Variants in SLC14A2 observed in about 807,000 individuals in gnomAD.
SLC14A2 encodes the protein urea transporter 2.
Under a neutral mutation model 104.6 loss-of-function variants are expected in SLC14A2, and 91 were observed. That is an observed-to-expected ratio of 0.87 (90% CI 0.73 to 1.04). The LOEUF is 1.04. Among genes scored for constraint, SLC14A2 ranks in the 50% least tolerant of loss-of-function variants. The pLI, the probability that SLC14A2 is intolerant of heterozygous loss-of-function variation, is 0.00. For synonymous variants in SLC14A2, 476 were observed against 466.4 expected (o/e 1.02, Z -0.27); for missense variants, 1,189 against 1,156.0 (o/e 1.03, Z -0.41).
chr18:45,553,706 A>G (rs1002288656), intron 2 of SLC14A2, among the ~76,000 whole-genome samples: 1 of 152,186 alleles, frequency 6.6e-6, no homozygotes, highest in African/African-American at 2.4e-5. Context: ...CTTAACCCCA[A>G]ATAGTGAGTG....
intron 1 of SLC14A2, among the ~76,000 whole-genome samples, chr18:45,455,473 A>T (rs992238055): frequency 1.3e-5 from 2 of 152,034 alleles, no homozygotes; most frequent in African/African-American, 4.8e-5. Context: ...GGAGGGGAAC[A>T]TCACACACCA....
At chr18:45,219,620 C>G (rs1391327559) in intron 1 of SLC14A2, among the ~76,000 whole-genome samples, 1 of 152,172 alleles carries the variant, frequency 6.6e-6, no homozygotes, top group Admixed American at 6.5e-5. Flanking sequence ...AAAAACAGTT[C>G]CTTGTTTTCG....
chr18:45,457,560 A>G (rs1003639314), intron 1 of SLC14A2, among the ~76,000 whole-genome samples: 1 of 152,210 alleles, frequency 6.6e-6, no homozygotes. Context: ...TCTCAAGCCC[A>G]GAGGCATTTG....
chr18:45,681,920 A>G (rs2046314452), intron 19 of SLC14A2, among the ~76,000 whole-genome samples: 2 of 152,230 alleles, frequency 1.3e-5, no homozygotes, highest in Non-Finnish European at 2.9e-5. Flanking sequence ...TTGAGCTACC[A>G]AATGGCTGCC....
intron 11 of SLC14A2, among the ~76,000 whole-genome samples, chr18:45,665,753 G>T (rs1465503063): frequency 3.6e-5 from 4 of 111,502 alleles, no homozygotes; most frequent in African/African-American, 1.4e-4. Context: ...ACAGGAGAAA[G>T]AACCCTGGAT....
At chr18:45,427,309 C>T (rs1032057490) in intron 1 of SLC14A2, among the ~76,000 whole-genome samples, 2 of 151,936 alleles carry the variant, frequency 1.3e-5, no homozygotes, top group Non-Finnish European at 2.9e-5. Context: ...GCCTGGCTCT[C>T]ACCCTGGCTC....
chr18:45,650,393 A>G (rs1388753372), intron 10 of SLC14A2, among the ~76,000 whole-genome samples: 2 of 152,038 alleles, frequency 1.3e-5, no homozygotes, highest in Admixed American at 6.6e-5. Context: ...CCTGGCCCCA[A>G]GCTTCTGCCC....
At chr18:45,639,990 G>T (rs1352199935) in intron 7 of SLC14A2, 97 bp downstream of exon 7, 1 of 1,212,294 alleles carries the variant, frequency 8.2e-7, no homozygotes, top group African/African-American at 1.5e-5. Context: ...TCTCTTCCCT[G>T]CAGTTTTAAA....
chr18:45,480,707 T>C (rs2087475907), intron 1 of SLC14A2, among the ~76,000 whole-genome samples: 1 of 152,210 alleles, frequency 6.6e-6, no homozygotes, highest in Non-Finnish European at 1.5e-5. Context: ...CCTGGGGGCC[T>C]GCATGGGCTT....
chr18:45,184,798 G>GT, the SLC14A2 span, among the ~76,000 whole-genome samples: 3 of 152,316 alleles, frequency 2.0e-5, no homozygotes, highest in East Asian at 5.8e-4. Flanking sequence ...GAATCCAGAA[G>GT]TAGAGCAGGT....
intron 5 of SLC14A2, among the ~76,000 whole-genome samples, chr18:45,633,874 C>T (rs538494155): frequency 2.0e-5 from 3 of 152,274 alleles, no homozygotes; most frequent in South Asian, 4.1e-4. Flanking sequence ...CTTAGGGTTT[C>T]GTTCTTAATC....
chr18:45,277,326 T>C (rs139208876), intron 1 of SLC14A2, among the ~76,000 whole-genome samples: 14 of 152,352 alleles, frequency 9.2e-5, no homozygotes, highest in African/African-American at 3.1e-4. Flanking sequence ...CATTATAAGA[T>C]GCCACAACTT....
chr18:45,230,401 A>G (rs1338210062), intron 1 of SLC14A2, among the ~76,000 whole-genome samples: 2 of 152,268 alleles, frequency 1.3e-5, no homozygotes, highest in Middle Eastern at 3.4e-3. Context: ...GACCACCTGC[A>G]TTTCTCGGCC....
chr18:45,179,998 A>T, the SLC14A2 span: 1 of 152,108 alleles, frequency 6.6e-6, no homozygotes, highest in African/African-American at 2.4e-5. Flanking sequence ...ATAAACGAAA[A>T]ATTAGCCAAG....
chr18:45,459,524 C>G (rs1219406496), intron 1 of SLC14A2, among the ~76,000 whole-genome samples: 1 of 152,210 alleles, frequency 6.6e-6, no homozygotes, highest in African/African-American at 2.4e-5. Flanking sequence ...TTTCAGCACA[C>G]CACCTCCTTG....
At chr18:45,322,393 A>C (rs1396272699) in intron 1 of SLC14A2, among the ~76,000 whole-genome samples, 2 of 152,208 alleles carry the variant, frequency 1.3e-5, no homozygotes, top group African/African-American at 4.8e-5. Flanking sequence ...TGAAGGCTTA[A>C]AAAAACATTT....
chr18:45,270,302 G>T (rs2084638513), intron 1 of SLC14A2, among the ~76,000 whole-genome samples: 1 of 151,930 alleles, frequency 6.6e-6, no homozygotes, highest in Non-Finnish European at 1.5e-5. Flanking sequence ...TAAACAATTT[G>T]CACCCAGTTT....
At chr18:45,523,615 G>A (rs1008387093) in intron 2 of SLC14A2, among the ~76,000 whole-genome samples, 4 of 151,272 alleles carry the variant, frequency 2.6e-5, no homozygotes, top group African/African-American at 2.4e-5. Context: ...GATTACAGGT[G>A]TGAGCCACCA....
chr18:45,444,730 C>T (rs982350905), intron 1 of SLC14A2, among the ~76,000 whole-genome samples: 3 of 152,186 alleles, frequency 2.0e-5, no homozygotes, highest in Admixed American at 1.3e-4. Context: ...ATCATGCCAT[C>T]ATCTCTTTAA....
Sources: gnomAD v4.1 joint callset for allele counts (sites outside exome capture counted in the v4.1 genomes callset) on GRCh38, gnomAD v4.1.1 for gene constraint, MANE v1.5 for transcripts, NCBI Gene and HGNC (gene_info 2026-07-23, HGNC 2026-07-21) for gene names.